Variants in STXBP5L observed in about 807,000 individuals in gnomAD.
STXBP5L encodes syntaxin-binding protein 5-like.
STXBP5L carries 65 observed loss-of-function variants against 144.5 expected under a neutral mutation model. The observed-to-expected ratio is 0.45, with a 90% CI of 0.37 to 0.55. The LOEUF is 0.55. Among genes scored for constraint, STXBP5L ranks in the 20% least tolerant of loss-of-function variants. The pLI is 0.00. For missense variants in STXBP5L, 1,298 were observed against 1,405.5 expected (o/e 0.92, Z 1.22); for synonymous variants, 505 against 469.6 (o/e 1.08, Z -0.97).
chr3:121,062,503 A>T (rs1226151075), intron 5 of STXBP5L, among the ~76,000 whole-genome samples: 1 of 152,198 alleles, frequency 6.6e-6, no homozygotes, highest in African/African-American at 2.4e-5. Context: ...CTCAAGGAGT[A>T]TCTTTGTGGT....
At chr3:121,207,475 G>T (rs1196835728) in intron 10 of STXBP5L, among the ~76,000 whole-genome samples, 1 of 152,106 alleles carries the variant, frequency 6.6e-6, no homozygotes, top group African/African-American at 2.4e-5. Flanking sequence ...AGCCAAAATT[G>T]ACAAATGGGA....
At chr3:120,978,740 G>A (rs933170350) in intron 3 of STXBP5L, among the ~76,000 whole-genome samples, 19 of 152,170 alleles carry the variant, frequency 1.2e-4, no homozygotes, top group African/African-American at 4.3e-4. Flanking sequence ...TATCCTTTCT[G>A]TTTGTTAGTT....
intron 16 of STXBP5L, among the ~76,000 whole-genome samples, chr3:121,256,601 A>G (rs1031550788): frequency 3.3e-5 from 5 of 151,914 alleles, no homozygotes; most frequent in Non-Finnish European, 7.4e-5. Flanking sequence ...AAAATATGGA[A>G]TTTTGTTTGG....
rs549816863 is a variant in STXBP5L, at chr3:121,166,929, G to A, written c.877+9302G>A. ...AAAGAACTAGAGAACTTGGGTAAAT[G>A]ATATAGAAGAGATTTTTTAAGTAAA... On this transcript the variant is annotated intron_variant, in intron 9 of 26. Coordinates refer to ENST00000471454, the MANE Select transcript of STXBP5L (RefSeq NM_001308330.2). Among the ~76,000 whole-genome samples, 18 of 152,216 alleles carry A rather than the reference G, an allele frequency of 1.2e-4. No homozygotes were observed. The East Asian group carries it at 3.5e-3, about 29-fold the overall frequency.
At chr3:121,121,789 A>G in intron 7 of STXBP5L, 85 bp downstream of exon 7, 1 of 918,130 alleles carries the variant, frequency 1.1e-6, no homozygotes, top group Non-Finnish European at 1.7e-6. Context: ...TATATCTAGT[A>G]TCTAGCCCAG....
rs558254684 is a variant in STXBP5L, at chr3:120,978,549, A to G, written c.287+23512A>G. ...TGAAGCCTTCTTCTCTCAACTCGTC[A>G]AAGTCATTCTCCATCCAGGTTTGTT... On this transcript the variant is annotated intron_variant, in intron 3 of 26. Coordinates refer to ENST00000471454, the MANE Select transcript of STXBP5L (RefSeq NM_001308330.2). 7.2e-5 allele frequency among the ~76,000 whole-genome samples: 11 copies of G among 152,300 alleles called. No individual in the cohort carries two copies. The East Asian group carries it at 1.7e-3, about 24-fold the overall frequency.
intron 7 of STXBP5L, among the ~76,000 whole-genome samples, chr3:121,137,721 A>C (rs1456972100): frequency 6.6e-6 from 1 of 152,170 alleles, no homozygotes; most frequent in Admixed American, 6.6e-5. Flanking sequence ...CATATGACAA[A>C]AGTCAACATT....
intron 16 of STXBP5L, 100 bp downstream of exon 16, chr3:121,255,212 A>G: frequency 1.3e-6 from 1 of 786,542 alleles, no homozygotes; most frequent in Non-Finnish European, 1.9e-6. Context: ...TGAAGTGTGC[A>G]GTATGTGGCT....
chr3:121,305,879 T>A (rs556537152), intron 19 of STXBP5L, among the ~76,000 whole-genome samples: 1 of 152,268 alleles, frequency 6.6e-6, no homozygotes, highest in South Asian at 2.1e-4. Context: ...TGATGGTGTA[T>A]GTAGAAAACC....
intron 9 of STXBP5L, among the ~76,000 whole-genome samples, chr3:121,182,947 A>G (rs2047219406): frequency 6.6e-6 from 1 of 152,250 alleles, no homozygotes. Flanking sequence ...CAGCATATCA[A>G]AAAGATTACA....
intron 20 of STXBP5L, among the ~76,000 whole-genome samples, chr3:121,373,146 A>G (rs764965098): frequency 1.3e-5 from 2 of 152,212 alleles, no homozygotes; most frequent in Non-Finnish European, 2.9e-5. Context: ...CAGTAAGAAA[A>G]CAACAGGGAC....
intron 3 of STXBP5L, among the ~76,000 whole-genome samples, chr3:120,958,920 G>A (rs1445064235): frequency 1.3e-5 from 2 of 152,196 alleles, no homozygotes; most frequent in Admixed American, 6.5e-5. Flanking sequence ...TTAGGCAGGA[G>A]AAGGAAATAA....
chr3:121,156,582 T>A (rs2046119210), intron 8 of STXBP5L, among the ~76,000 whole-genome samples: 1 of 151,940 alleles, frequency 6.6e-6, no homozygotes, highest in Non-Finnish European at 1.5e-5. Context: ...ATTTATTGAG[T>A]ACTTACTTTA....
chr3:121,061,773 A>T (rs2041291423), intron 5 of STXBP5L, among the ~76,000 whole-genome samples: 2 of 152,186 alleles, frequency 1.3e-5, no homozygotes, highest in Admixed American at 6.5e-5. Context: ...CTGTTTTATC[A>T]GAGACAGGGA....
chr3:121,231,888 AAAC>A (rs2049321257), intron 11 of STXBP5L, among the ~76,000 whole-genome samples: 1 of 152,218 alleles, frequency 6.6e-6, no homozygotes, highest in Admixed American at 6.5e-5. Flanking sequence ...AAAGCCAATC[AAAC>A]AAGACAAACC....
intron 5 of STXBP5L, among the ~76,000 whole-genome samples, chr3:121,066,636 A>T (rs140245271): frequency 1.4e-4 from 21 of 152,164 alleles, no homozygotes; most frequent in African/African-American, 4.8e-4. Context: ...TAATAAGTTG[A>T]GATTTTAATC....
chr3:121,303,100 C>G (rs1375835028), intron 19 of STXBP5L, among the ~76,000 whole-genome samples: 1 of 152,034 alleles, frequency 6.6e-6, no homozygotes, highest in Admixed American at 6.6e-5. Flanking sequence ...AGGCAACCTA[C>G]AAAATGGGAG....
chr3:121,222,141 T>G (rs1287674385), intron 10 of STXBP5L, among the ~76,000 whole-genome samples: 1 of 152,084 alleles, frequency 6.6e-6, no homozygotes, highest in Admixed American at 6.6e-5. Flanking sequence ...TGGTATTTAC[T>G]TCTTACTTCT....
chr3:120,950,160 T>A (rs905771947), intron 2 of STXBP5L, among the ~76,000 whole-genome samples: 1 of 152,074 alleles, frequency 6.6e-6, no homozygotes, highest in Non-Finnish European at 1.5e-5. Flanking sequence ...GACTTTTATA[T>A]TTAAACGTAC....
Sources: gnomAD v4.1 joint callset for allele counts (sites outside exome capture counted in the v4.1 genomes callset) on GRCh38, gnomAD v4.1.1 for gene constraint, MANE v1.5 for transcripts, NCBI Gene and HGNC (gene_info 2026-07-23, HGNC 2026-07-21) for gene names.